VPS13B: variants seen among roughly 807,000 people sequenced by gnomAD.
VPS13B encodes the protein vacuolar protein sorting 13 homolog B.
VPS13B carries 285 observed loss-of-function variants against 426.4 expected under a neutral mutation model. The ratio of observed to expected loss-of-function variants is 0.67; its 90% confidence interval spans 0.61 to 0.74. The LOEUF (loss-of-function observed/expected upper bound fraction) is 0.74, where lower values mean the gene tolerates loss of function less well. VPS13B is among the 30% of genes least tolerant of loss of function. The pLI is 0.00. For synonymous variants in VPS13B, 1,676 were observed against 1,676.4 expected, an observed-to-expected ratio of 1.00 and a Z score of 0.01; for missense variants, 4,537 against 4,782.6, an observed-to-expected ratio of 0.95 and a Z score of 1.51.
intron 17 of VPS13B, among the ~76,000 whole-genome samples, chr8:99,195,795 C>T (rs931130142): frequency 6.6e-6 from 1 of 152,146 alleles, no homozygotes; most frequent in Admixed American, 6.5e-5. Context: ...CCAGTGTTCC[C>T]AGCAGCATTT....
At chr8:99,142,500 A>G (rs1255045695) in intron 12 of VPS13B, among the ~76,000 whole-genome samples, 2 of 152,202 alleles carry the variant, frequency 1.3e-5, no homozygotes, top group South Asian at 2.1e-4. Flanking sequence ...AGTTCAAAGC[A>G]GGTAATACCT....
chr8:99,581,610 C>T (rs921050590), intron 33 of VPS13B, among the ~76,000 whole-genome samples: 1 of 152,056 alleles, frequency 6.6e-6, no homozygotes, highest in Non-Finnish European at 1.5e-5. Flanking sequence ...AACCTTATTT[C>T]TCTATACATA....
chr8:99,054,376 C>CCATTAA (rs1416948466), intron 3 of VPS13B, among the ~76,000 whole-genome samples: 1 of 152,200 alleles, frequency 6.6e-6, no homozygotes, highest in Non-Finnish European at 1.5e-5. Flanking sequence ...AATGGGTTTG[C>CCATTAA]AATCTTTGAC....
chr8:99,637,518 G>C (rs1259952123), intron 33 of VPS13B, among the ~76,000 whole-genome samples: 1 of 152,040 alleles, frequency 6.6e-6, no homozygotes, highest in Non-Finnish European at 1.5e-5. Context: ...ATTAGAATTA[G>C]TTACCATCTG....
chr8:99,602,929 A>G (rs569508645), intron 33 of VPS13B, among the ~76,000 whole-genome samples: 1 of 152,348 alleles, frequency 6.6e-6, no homozygotes, highest in East Asian at 1.9e-4. Flanking sequence ...AGGAAGCATC[A>G]ATATCGTGAA....
chr8:99,301,846 C>G (rs766575312), intron 19 of VPS13B, among the ~76,000 whole-genome samples: 16 of 152,016 alleles, frequency 1.1e-4, no homozygotes, highest in Non-Finnish European at 1.9e-4. Context: ...AACCTGGTCT[C>G]AAACTCTTGG....
At position 99,699,701 on chromosome 8, in the gene VPS13B, T is replaced by A. The variant is rs758590590; in HGVS notation, c.6223T>A (p.Tyr2075Asn). 1 of 1,614,176 alleles carries A rather than the reference T, an allele frequency of 6.2e-7. No homozygotes were observed. The highest frequency in any genetic ancestry group is 8.5e-7 in the Non-Finnish European group (1 of 1,180,022). The change falls in exon 36 of 62, where the codon TAT becomes AAT. Residue 2075 changes from tyrosine (Y) to asparagine (N), a missense_variant. Tyr to Asn is a moderately radical substitution (Grantham distance 143, BLOSUM62 -2). This residue lies in a region of VPS13B where 4,311 missense variants were observed against 4,474.3 expected (regional missense o/e 0.96). Coordinates refer to ENST00000357162, the MANE Select transcript of VPS13B (RefSeq NM_152564.5). The stretch of plus-strand genomic sequence containing the variant: ...TAAGGATGATCTTCCAGTCTCCAAA[T>A]ATTACCGTGGAAAGTTGTCTAAACC... ...VNKDDLPVSK[Y>N]YRGKLSKPKI...
chr8:99,045,764 G>A (rs1316814324), intron 3 of VPS13B, among the ~76,000 whole-genome samples: 1 of 152,064 alleles, frequency 6.6e-6, no homozygotes, highest in Non-Finnish European at 1.5e-5. Context: ...TCCTACATGT[G>A]GCTTGCCAAT....
At chr8:99,565,975 A>C (rs568598730) in intron 31 of VPS13B, among the ~76,000 whole-genome samples, 1 of 152,140 alleles carries the variant, frequency 6.6e-6, no homozygotes, top group Non-Finnish European at 1.5e-5. Flanking sequence ...AAACCTTACC[A>C]TGCCTTTACA....
At chr8:99,841,574 C>T (rs1162533257) in intron 54 of VPS13B, among the ~76,000 whole-genome samples, 1 of 152,182 alleles carries the variant, frequency 6.6e-6, no homozygotes, top group Non-Finnish European at 1.5e-5. Flanking sequence ...AAAGTAGATG[C>T]TACCCAAAGC....
chr8:99,681,457 G>T (rs1163133982), intron 35 of VPS13B, among the ~76,000 whole-genome samples: 2 of 152,188 alleles, frequency 1.3e-5, no homozygotes, highest in African/African-American at 2.4e-5. Flanking sequence ...GCCTACTAAC[G>T]TACGTCTTGT....
intron 19 of VPS13B, among the ~76,000 whole-genome samples, chr8:99,298,070 T>A (rs1252820090): frequency 6.6e-6 from 1 of 152,232 alleles, no homozygotes; most frequent in Non-Finnish European, 1.5e-5. Flanking sequence ...TTGCCCTTGA[T>A]AAACATTGTC....
intron 23 of VPS13B, among the ~76,000 whole-genome samples, chr8:99,464,217 C>A (rs1446473455): frequency 1.3e-5 from 2 of 152,122 alleles, no homozygotes; most frequent in Non-Finnish European, 2.9e-5. Flanking sequence ...AAGAGGAAGG[C>A]ATTTTTGTTG....
At chr8:99,863,993 T>G (rs1816967724) in intron 58 of VPS13B, among the ~76,000 whole-genome samples, 1 of 152,212 alleles carries the variant, frequency 6.6e-6, no homozygotes, top group South Asian at 2.1e-4. Flanking sequence ...CATCTCAAGC[T>G]TGGCTCAAAC....
At chr8:99,046,825 A>C (rs186858994) in intron 3 of VPS13B, among the ~76,000 whole-genome samples, 2 of 152,240 alleles carry the variant, frequency 1.3e-5, no homozygotes, top group Non-Finnish European at 2.9e-5. Context: ...GTGGTTTAGC[A>C]CATTTATTGA....
chr8:99,527,169 G>A (rs1183702715), intron 30 of VPS13B, among the ~76,000 whole-genome samples: 3 of 151,614 alleles, frequency 2.0e-5, no homozygotes, highest in Admixed American at 6.6e-5. Flanking sequence ...GCTCTCGGTG[G>A]ATTCTTTTTA....
rs1818831549 is a variant in VPS13B, at chr8:99,275,231, A to G, written c.2801A>G (p.Tyr934Cys). ...GCCTTCACAATCCAAGTTCCACAAT[A>G]TATTGACTACTGCCACAATTCCGGT... is the stretch of plus-strand genomic sequence containing the variant. ...LMAFTIQVPQYIDYCHNSGAV... is the reference protein window; with the variant it reads ...LMAFTIQVPQCIDYCHNSGAV... Residue 934 changes from tyrosine (Y) to cysteine (C), a missense_variant, in exon 19 of 62, where the codon TAT (tyrosine) becomes TGT (cysteine). Physicochemically the swap from Tyr to Cys is radical, Grantham distance 194 (BLOSUM62 -2). Coordinates refer to ENST00000357162, the MANE Select transcript of VPS13B (RefSeq NM_152564.5). 6.2e-7 allele frequency: 1 copy of G among 1,609,080 alleles called. No homozygotes were observed. Among genetic ancestry groups the G allele is most frequent in the Non-Finnish European group, 8.5e-7 (1 of 1,178,506 alleles).
intron 35 of VPS13B, among the ~76,000 whole-genome samples, chr8:99,679,419 G>A (rs1168734192): frequency 1.3e-5 from 2 of 152,124 alleles, no homozygotes; most frequent in Admixed American, 1.3e-4. Context: ...TTAGAAATTG[G>A]TGCAATTACC....
intron 40 of VPS13B, among the ~76,000 whole-genome samples, chr8:99,772,840 C>T (rs938144680): frequency 1.3e-5 from 2 of 152,098 alleles, no homozygotes; most frequent in African/African-American, 4.8e-5. Context: ...CTCTCTCCTG[C>T]GTCCTCTCTC....
Sources: gnomAD v4.1 joint callset for allele counts (sites outside exome capture counted in the v4.1 genomes callset) on GRCh38, gnomAD v4.1.1 for gene constraint, gnomAD v4.1.1 regional missense constraint, MANE v1.5 for transcripts, NCBI Gene and HGNC (gene_info 2026-07-23, HGNC 2026-07-21) for gene names.